The following HOXD3 variants were observed in gnomAD, a reference collection of about 807,000 sequenced individuals.
HOXD3 encodes the protein homeobox D3.
In HOXD3, 13 loss-of-function variants were observed where a neutral mutation model predicts 32.8. That is an observed-to-expected ratio of 0.40 (90% confidence interval 0.26 to 0.63). The LOEUF (loss-of-function observed/expected upper bound fraction) is 0.63. HOXD3 is among the 20% of genes least tolerant of loss of function. HOXD3 has a pLI of 0.44. For missense variants in HOXD3, 504 were observed against 577.1 expected (o/e 0.87, Z 1.30); for synonymous variants, 241 against 246.8 (o/e 0.98, Z 0.22).
intron 3 of HOXD3, 27 bp from the exon 4 acceptor site, chr2:176,171,490 G>A (rs1026052610): frequency 6.4e-7 from 1 of 1,553,316 alleles, no homozygotes; most frequent in Non-Finnish European, 8.7e-7. Context: ...CTCGCTCAGC[G>A]CCCTCCCTCT....
Position 176,169,318 on chromosome 2 carries a change from C to G in HOXD3, c.204C>G (p.Cys68Trp), listed in dbSNP as rs1176309722. ...SLDTDYPGSA[C>W]SIQSSAPLRA... The stretch of plus-strand genomic sequence containing the variant: ...ACACTGACTATCCAGGTTCTGCCTG[C>G]TCCATCCAGAGCTCTGCCCCTCTGA... Residue 68 changes from cysteine to tryptophan, a missense_variant, in exon 3 of 4, where the codon TGC becomes TGG. Cys to Trp is a radical substitution (Grantham distance 215). Coordinates refer to ENST00000683222, the MANE Select transcript of HOXD3 (RefSeq NM_006898.5). 6.2e-7 allele frequency: 1 copy of G among 1,614,148 alleles called. No homozygotes were observed. Among genetic ancestry groups the G allele is most frequent in the South Asian group, 1.1e-5 (1 of 91,078 alleles).
At chr2:176,165,296 C>T (rs975542791) in intron 2 of HOXD3, 2 of 152,246 alleles carry the variant, frequency 1.3e-5, no homozygotes, top group Non-Finnish European at 2.9e-5. Context: ...TAACCCCGTC[C>T]CCTGGTCGCT....
rs1553522777 is a variant in HOXD3 at position 176,170,903 on chromosome 2, T to TTTTTG, written c.542-611_542-610insTGTTT. Among the ~76,000 whole-genome samples the TTTTTG allele has an allele frequency of 7.3e-5, 11 of 151,314 alleles. No homozygotes were observed. In the East Asian group the frequency reaches 1.8e-3, roughly 24 times the overall value. On this transcript the variant is annotated intron_variant, in intron 3 of 3. Transcript: ENST00000683222. ...CCTAAAATACCCAGGCAGTGTTTTTTTTTGTTTGTTTGTTTGGTTGGTTTT... is the reference window on the plus strand; with the variant it reads ...CCTAAAATACCCAGGCAGTGTTTTTTTTTTGTTTGTTTGTTTGTTTGGTTGGTTTT...
rs1690889983 is a variant in HOXD3 at position 176,164,077 on chromosome 2, G to T, written c.-176G>T. 1 of 151,596 alleles carries T rather than the reference G, an allele frequency of 6.6e-6. No individual in the cohort carries two copies. Among genetic ancestry groups the T allele is most frequent in the Non-Finnish European group, 1.5e-5 (1 of 67,966 alleles). 9.4% of individuals were successfully genotyped at this position (151,596 alleles called of 1,614,324 possible). A position where few individuals can be genotyped will look rare whatever the true frequency, so the allele number is the denominator to read the frequency against. ...GAGTTTTCCATTTTGTTCCAGATTC[G>T]CCTCCACAGATATCAAAAGAAACCT... On this transcript the variant is annotated 5_prime_UTR_variant, in exon 2 of 4. Coordinates refer to ENST00000683222, the MANE Select transcript of HOXD3 (RefSeq NM_006898.5).
At chr2:176,155,771 G>C (rs1019720811), upstream of HOXD3, among the ~76,000 whole-genome samples, 5 of 152,332 alleles carry the variant, frequency 3.3e-5, no homozygotes, top group East Asian at 9.6e-4. Context: ...AGAAGTGTTT[G>C]TGTTGGTGTT....
chr2:176,160,126 G>A (rs1574978482), intron 1 of HOXD3, among the ~76,000 whole-genome samples: 1 of 152,202 alleles, frequency 6.6e-6, no homozygotes, highest in East Asian at 1.9e-4. Flanking sequence ...CCACCTTTGG[G>A]CCGGAGCGGG....
rs1316320758 is a variant in HOXD3 at position 176,169,499 on chromosome 2, T to C, written c.385T>C (p.Ser129Pro). The change falls in exon 3 of 4, where the codon TCT becomes CCT. Residue 129 changes from serine (S) to proline (P), a missense_variant. Ser to Pro is a moderately conservative substitution (Grantham distance 74). This residue lies in a region of HOXD3 where 181 missense variants were observed against 172.2 expected (regional missense o/e 1.05). Coordinates refer to ENST00000683222, the MANE Select transcript of HOXD3 (RefSeq NM_006898.5). ...PPPPPPTLPP[S>P]SPTNPGGGVP... ...TCCTCCACCACCGACCCTGCCCCCA[T>C]CTTCACCCACCAATCCTGGAGGTGG... is the stretch of plus-strand genomic sequence containing the variant. 3 of 1,613,878 alleles carry C rather than the reference T, an allele frequency of 1.9e-6. No homozygotes were observed. The highest frequency in any genetic ancestry group is 2.5e-6 in the Non-Finnish European group (3 of 1,179,934).
At chr2:176,170,312 C>T (rs1691130044) in intron 3 of HOXD3, among the ~76,000 whole-genome samples, 1 of 152,178 alleles carries the variant, frequency 6.6e-6, no homozygotes. Flanking sequence ...CCAATTCTCC[C>T]ACTCCAGCAA....
In HOXD3 at chr2:176,172,226, C is replaced by T; in HGVS notation, c.1251C>T (p.His417=). The T allele has an allele frequency of 7.5e-6, 12 of 1,610,568 alleles. No individual in the cohort carries two copies. Among genetic ancestry groups the T allele is most frequent in the Non-Finnish European group, 1.0e-5 (12 of 1,179,900 alleles). The change falls in exon 4 of 4, where the codon CAC becomes CAT. Residue 417 remains histidine, a synonymous_variant. Coordinates refer to ENST00000683222, the MANE Select transcript of HOXD3 (RefSeq NM_006898.5). ...CCTACACAGATCTCTCGGCCCACCA[C>T]TCGTCTCAGGGACGACTGCCGGAGG... ...HPTYTDLSAH[H]SSQGRLPEAP...
Position 176,171,903 on chromosome 2 carries a change from T to G in HOXD3, c.928T>G (p.Tyr310Asp). The G allele has an allele frequency of 3.1e-6, 5 of 1,608,978 alleles. No individual in the cohort carries two copies. The highest frequency in any genetic ancestry group is 4.2e-6 in the Non-Finnish European group (5 of 1,178,264). The change falls in exon 4 of 4, where the codon TAC becomes GAC. Residue 310 changes from tyrosine (Y) to aspartate (D), a missense_variant. Transcript: ENST00000683222. ...PAFAKSQPNM[Y>D]GLAAYTAPLS... ...TTTCGCCAAATCACAGCCCAATATG[T>G]ACGGCCTGGCCGCCTACACGGCGCC...
rs1691088146 is a variant in HOXD3, at chr2:176,169,057, A to G, written c.-58A>G. Reference sequence around the variant, plus strand: ...TCACCTGGAGCCTGGGGGCCGGCCCAGCTCTCTCAGGATTCAGCAGACATT... The same window carrying G: ...TCACCTGGAGCCTGGGGGCCGGCCCGGCTCTCTCAGGATTCAGCAGACATT... On this transcript the variant is annotated 5_prime_UTR_variant, in exon 3 of 4. Transcript: ENST00000683222. The G allele has an allele frequency of 1.3e-6, 2 of 1,540,414 alleles. No homozygotes were observed. The highest frequency in any genetic ancestry group is 4.5e-5 in the East Asian group (2 of 44,160).
Position 176,172,117 on chromosome 2 carries a change from A to G in HOXD3, c.1142A>G (p.His381Arg), listed in dbSNP as rs1273902049. Residue 381 changes from histidine to arginine, a missense_variant, in exon 4 of 4, where the codon CAC becomes CGC. Physicochemically the swap from His to Arg is conservative, Grantham distance 29 (BLOSUM62 0). This residue lies in a region of HOXD3 where 226 missense variants were observed against 246.9 expected (regional missense o/e 0.92). Coordinates refer to ENST00000683222, the MANE Select transcript of HOXD3 (RefSeq NM_006898.5). ...GPVFNLGHLSHPSSASVDYSC... is the reference protein window; with the variant it reads ...GPVFNLGHLSRPSSASVDYSC... ...GTCTTCAACCTGGGCCACCTCTCGC[A>G]CCCGTCGTCGGCCAGCGTGGACTAC... is the stretch of plus-strand genomic sequence containing the variant. 5.0e-6 allele frequency: 8 copies of G among 1,612,782 alleles called. No homozygotes were observed. The highest frequency in any genetic ancestry group is 6.8e-6 in the Non-Finnish European group (8 of 1,179,960).
chr2:176,169,061 C>G lies in HOXD3; in HGVS notation c.-54C>G. The G allele has an allele frequency of 6.5e-7, 1 of 1,545,064 alleles. No homozygotes were observed. Among genetic ancestry groups the G allele is most frequent in the South Asian group, 1.3e-5 (1 of 78,568 alleles). On this transcript the variant is annotated 5_prime_UTR_variant, in exon 3 of 4. Coordinates refer to ENST00000683222, the MANE Select transcript of HOXD3 (RefSeq NM_006898.5). ...CTGGAGCCTGGGGGCCGGCCCAGCTCTCTCAGGATTCAGCAGACATTGGAG... is the reference window on the plus strand; with the variant it reads ...CTGGAGCCTGGGGGCCGGCCCAGCTGTCTCAGGATTCAGCAGACATTGGAG...
At chr2:176,162,922 ATT>A (rs1472881209) in intron 1 of HOXD3, among the ~76,000 whole-genome samples, 1 of 152,222 alleles carries the variant, frequency 6.6e-6, no homozygotes, top group East Asian at 1.9e-4. Context: ...ACGTGAATGT[ATT>A]ATATAAAGCA....
At chr2:176,168,195 C>T (rs1229114886) in intron 2 of HOXD3, among the ~76,000 whole-genome samples, 7 of 137,990 alleles carry the variant, frequency 5.1e-5, no homozygotes, top group East Asian at 2.1e-4. Context: ...GAGGCCAAGA[C>T]GGGAGGATCA....
At position 176,172,779 on chromosome 2, in the gene HOXD3, T is replaced by G. The variant is rs1691240958; in HGVS notation, c.*505T>G. On this transcript the variant is annotated 3_prime_UTR_variant, in exon 4 of 4. Coordinates refer to ENST00000683222, the MANE Select transcript of HOXD3 (RefSeq NM_006898.5). ...TTATCCTTGTCTGAATGTATTTATG[T>G]GTATATTTGTAGATTTATCCAGCCG... 6.4e-6 allele frequency: 1 copy of G among 155,172 alleles called. No homozygotes were observed. Among genetic ancestry groups the G allele is most frequent in the South Asian group, 2.0e-4 (1 of 4,916 alleles). The allele number at this position is 155,172 out of a possible 1,614,324, so 9.6% of individuals were successfully genotyped here. A position where few individuals can be genotyped will look rare whatever the true frequency, so the allele number is the denominator to read the frequency against.
At chr2:176,155,292 C>T (rs1690621405), upstream of HOXD3, among the ~76,000 whole-genome samples, 1 of 152,152 alleles carries the variant, frequency 6.6e-6, no homozygotes, top group African/African-American at 2.4e-5. Flanking sequence ...TTTCCCCCAC[C>T]TCAGAAGTTC....
intron 3 of HOXD3, among the ~76,000 whole-genome samples, chr2:176,171,134 G>C (rs1691158680): frequency 6.6e-6 from 1 of 152,160 alleles, no homozygotes; most frequent in Admixed American, 6.5e-5. Context: ...GAGGCTGGGA[G>C]GAGTGTTCAA....
upstream of HOXD3, among the ~76,000 whole-genome samples, chr2:176,155,075 C>A (rs1002777369): frequency 2.6e-5 from 4 of 152,148 alleles, no homozygotes; most frequent in Admixed American, 2.6e-4. Flanking sequence ...CCCTTCTCTT[C>A]TTTTTTCCTC....
Sources: gnomAD v4.1 joint callset for allele counts (sites outside exome capture counted in the v4.1 genomes callset) on GRCh38, gnomAD v4.1.1 for gene constraint, gnomAD v4.1.1 regional missense constraint, MANE v1.5 for transcripts, NCBI Gene and HGNC (gene_info 2026-07-23, HGNC 2026-07-21) for gene names.